Variants in EWSR1 observed in about 807,000 individuals in gnomAD.
EWSR1 encodes EWS RNA binding protein 1, also known as RNA-binding protein EWS.
EWSR1 carries 14 observed loss-of-function variants against 92.1 expected under a neutral mutation model. The observed-to-expected ratio is 0.15, with a 90% confidence interval of 0.10 to 0.24. EWSR1 has a LOEUF of 0.24. Ranked by LOEUF, EWSR1 falls within the 10% of genes least tolerant of loss-of-function variation. The probability of loss-of-function intolerance (pLI) is 1.00; values close to 1 mark genes in which losing one functional copy is unlikely to be tolerated. For synonymous variants in EWSR1, 303 were observed against 292.9 expected, an observed-to-expected ratio of 1.03 and a Z score of -0.35; for missense variants, 637 against 870.9, an observed-to-expected ratio of 0.73 and a Z score of 3.38.
intron 7 of EWSR1, 139 bp from the exon 8 acceptor site, chr22:29,288,467 G>C (rs961208974): frequency 8.7e-5 from 62 of 710,438 alleles, no homozygotes; most frequent in Non-Finnish European, 1.3e-4. Flanking sequence ...TACCTATTAA[G>C]GATGCTTTAT....
chr22:29,268,709 C>T (rs1007636397), intron 1 of EWSR1, among the ~76,000 whole-genome samples: 3 of 152,228 alleles, frequency 2.0e-5, no homozygotes, highest in Admixed American at 6.5e-5. Flanking sequence ...TTTGGCCAGG[C>T]CTCAAGCCGG....
intron 12 of EWSR1, among the ~76,000 whole-genome samples, chr22:29,297,315 G>T (rs1286459102): frequency 6.6e-6 from 1 of 152,168 alleles, no homozygotes; most frequent in Non-Finnish European, 1.5e-5. Flanking sequence ...ACCACGCTGA[G>T]CCTAACTTTT....
At chr22:29,271,601 T>C (rs2058687362) in intron 1 of EWSR1, among the ~76,000 whole-genome samples, 1 of 152,240 alleles carries the variant, frequency 6.6e-6, no homozygotes, top group African/African-American at 2.4e-5. Flanking sequence ...GGGTTTATAA[T>C]ATATCTAGCT....
chr22:29,288,581 C>T (rs763641609), intron 7 of EWSR1, 25 bp from the exon 8 acceptor site: 9 of 1,592,092 alleles, frequency 5.7e-6, no homozygotes, highest in East Asian at 4.5e-5. Context: ...TGGTCCATGG[C>T]TTACAGATGT....
At chr22:29,281,612 GCT>G (rs113544626) in intron 5 of EWSR1, among the ~76,000 whole-genome samples, 9 of 151,382 alleles carry the variant, frequency 5.9e-5, no homozygotes, top group African/African-American at 2.2e-4. Flanking sequence ...ACGGAGTCTT[GCT>G]CTGTCGCCCA....
chr22:29,291,451 G>A, intron 8 of EWSR1, 111 bp from the exon 9 acceptor site: 1 of 995,788 alleles, frequency 1.0e-6, no homozygotes, highest in Non-Finnish European at 1.5e-6. Flanking sequence ...GAGATGCATT[G>A]TTTGGAGATG....
chr22:29,288,457 T>C, intron 7 of EWSR1, 149 bp from the exon 8 acceptor site: 1 of 646,110 alleles, frequency 1.5e-6, no homozygotes, highest in Non-Finnish European at 2.5e-6. Flanking sequence ...TAAAAGAGCC[T>C]ACCTATTAAG....
chr22:29,285,331 A>G (rs1352008568), intron 6 of EWSR1, among the ~76,000 whole-genome samples: 22 of 150,562 alleles, frequency 1.5e-4, no homozygotes, highest in Non-Finnish European at 1.5e-5. Context: ...TATGTTGGTC[A>G]GGCTGGTCTC....
At chr22:29,274,920 A>AAT (rs1179593662) in intron 4 of EWSR1, among the ~76,000 whole-genome samples, 2 of 152,198 alleles carry the variant, frequency 1.3e-5, no homozygotes, top group African/African-American at 2.4e-5. Context: ...AAAAGACTCT[A>AAT]ATAAAGTCTT....
intron 3 of EWSR1, 21 bp from the exon 4 acceptor site, chr22:29,273,720 A>G (rs1263880122): frequency 6.3e-7 from 1 of 1,599,920 alleles, no homozygotes; most frequent in Admixed American, 1.8e-5. Context: ...AAGTTCTTGC[A>G]TTCGTTTTTT....
intron 5 of EWSR1, 145 bp downstream of exon 5, chr22:29,278,361 G>T (rs1243928815): frequency 1.3e-6 from 1 of 785,816 alleles, no homozygotes. Context: ...TAACTGATGT[G>T]CTAGAACATA....
intron 11 of EWSR1, 125 bp from the exon 12 acceptor site, chr22:29,296,114 G>C: frequency 3.1e-6 from 3 of 958,918 alleles, no homozygotes; most frequent in Non-Finnish European, 4.5e-6. Context: ...TAAAAGCGGA[G>C]AAACGGTGAC....
rs538837902 is a variant in EWSR1, at chr22:29,282,098, C to T, written c.414-292C>T. 3.9e-5 allele frequency among the ~76,000 whole-genome samples: 6 copies of T among 152,316 alleles called. 1 individual carries two copies. The highest frequency in any genetic ancestry group is 4.1e-4 in the South Asian group (2 of 4,830). On this transcript the variant is annotated intron_variant, in intron 5 of 16. Transcript: ENST00000397938. ...AAACTGGTAGCACACAATATCGCAA[C>T]GCACTTTTATAGCGTTTACTGTGAT...
At chr22:29,297,701 C>A in intron 12 of EWSR1, 126 bp from the exon 13 acceptor site, 1 of 1,331,130 alleles carries the variant, frequency 7.5e-7, no homozygotes, top group Non-Finnish European at 1.0e-6. Context: ...CTGGCCTTGT[C>A]ATTAAAGATC....
At position 29,282,432 on chromosome 22, in the gene EWSR1, A is replaced by G. The variant is rs373225799; in HGVS notation, c.456A>G (p.Gln152=). The stretch of plus-strand genomic sequence containing the variant: ...AGCCCACTGAGACTAGTCAACCTCA[A>G]TCTAGCACAGGGGGTTACAACCAGC... ...GNKPTETSQP[Q]SSTGGYNQPS... Residue 152 remains glutamine (Q), a synonymous_variant, in exon 6 of 17, where the codon CAA becomes CAG. Coordinates refer to ENST00000397938, the MANE Select transcript of EWSR1 (RefSeq NM_005243.4). The G allele has an allele frequency of 4.4e-6, 7 of 1,598,220 alleles. No individual in the cohort carries two copies. The highest frequency in any genetic ancestry group is 1.7e-4 in the Middle Eastern group (1 of 5,990).
At chr22:29,287,181 GT>G (rs2060109780) in intron 7 of EWSR1, 47 bp downstream of exon 7, 2 of 1,562,352 alleles carry the variant, frequency 1.3e-6, no homozygotes, top group South Asian at 1.1e-5. Context: ...TGTGTTTAGA[GT>G]TTTTTTGTGG....
Position 29,290,541 on chromosome 22 carries a change from A to G in EWSR1, c.975-1021A>G, listed in dbSNP as rs541499039. 11 of 1,574,840 alleles carry G rather than the reference A, an allele frequency of 7.0e-6. No homozygotes were observed. In the South Asian group the frequency reaches 1.3e-4, roughly 19 times the overall value. On this transcript the variant is annotated intron_variant, in intron 8 of 16. Transcript: ENST00000397938. ...TATGGAGAGGAAAAATATACATAGA[A>G]TATTTTTAACAAAATGTATTCATTG... is the stretch of plus-strand genomic sequence containing the variant.
Position 29,292,477 on chromosome 22 carries a change from G to GT in EWSR1, c.1046-10dup. 6.4e-7 allele frequency: 1 copy of GT among 1,569,040 alleles called. No homozygotes were observed. Among genetic ancestry groups the GT allele is most frequent in the Non-Finnish European group, 8.8e-7 (1 of 1,140,020 alleles). ...ATGATAATAATTCTCCTGTCTTGTT[G>GT]TCTCTGAAAGGCCCACCTGTAGATC... On this transcript the variant is annotated splice_polypyrimidine_tract_variant and intron_variant, in intron 10 of 16. Transcript: ENST00000397938.
intron 11 of EWSR1, among the ~76,000 whole-genome samples, chr22:29,293,405 A>G (rs1171208177): frequency 2.0e-5 from 3 of 152,194 alleles, no homozygotes; most frequent in African/African-American, 7.2e-5. Flanking sequence ...GCTCTTCTGT[A>G]TTAGAGTTAG....
Sources: gnomAD v4.1 joint callset for allele counts (sites outside exome capture counted in the v4.1 genomes callset) on GRCh38, gnomAD v4.1.1 for gene constraint, MANE v1.5 for transcripts, NCBI Gene and HGNC (gene_info 2026-07-23, HGNC 2026-07-21) for gene names.